The following PCDHA2 variants were observed in gnomAD, a reference collection of about 807,000 sequenced individuals.
PCDHA2 encodes protocadherin alpha-2.
Under a neutral mutation model 66.0 loss-of-function variants are expected in PCDHA2, and 58 were observed. That is an observed-to-expected ratio of 0.88 (90% confidence interval 0.71 to 1.09). PCDHA2 has a LOEUF of 1.09. PCDHA2 is among the 50% of genes least tolerant of loss of function. The probability of loss-of-function intolerance (pLI) is 0.00; values close to 1 mark genes in which losing one functional copy is unlikely to be tolerated. For synonymous variants in PCDHA2, 634 were observed against 554.0 expected (o/e 1.14, Z -2.03); for missense variants, 1,267 against 1,242.3 (o/e 1.02, Z -0.30).
intron 1 of PCDHA2, chr5:140,849,798 C>G (rs1356253349): frequency 1.3e-6 from 2 of 1,598,416 alleles, no homozygotes; most frequent in African/African-American, 1.3e-5. Context: ...CTCGCCTTCA[C>G]TGTGGGCCAC....
At chr5:140,947,734 C>T (rs2094167568) in intron 1 of PCDHA2, among the ~76,000 whole-genome samples, 1 of 151,286 alleles carries the variant, frequency 6.6e-6, no homozygotes, top group African/African-American at 2.4e-5. Flanking sequence ...TTTTGTAATA[C>T]CTATTCTTAT....
Position 140,927,111 on chromosome 5 carries a change from C to T in PCDHA2, c.2389-51838C>T. Reference sequence around the variant, plus strand: ...ACTTCGGGGTGGATCTACCCAGCGGCAATTTGGTGGTCAGAGAGCCGGCGG... The same window carrying T: ...ACTTCGGGGTGGATCTACCCAGCGGTAATTTGGTGGTCAGAGAGCCGGCGG... On this transcript the variant is annotated intron_variant, in intron 1 of 3. Transcript: ENST00000526136. The T allele has an allele frequency of 3.7e-6, 6 of 1,613,856 alleles. No individual in the cohort carries two copies. In the Middle Eastern group the frequency reaches 8.3e-4, roughly 222 times the overall value.
At chr5:140,917,335 G>GGGGGGGGGGT in intron 1 of PCDHA2, among the ~76,000 whole-genome samples, 2 of 146,518 alleles carry the variant, frequency 1.4e-5, no homozygotes, top group Non-Finnish European at 3.1e-5. Flanking sequence ...GGGGGAGGGG[G>GGGGGGGGGGT]GGGATGGTGT....
At chr5:140,967,849 T>C in intron 1 of PCDHA2, 1 of 1,614,116 alleles carries the variant, frequency 6.2e-7, no homozygotes, top group Non-Finnish European at 8.5e-7. Flanking sequence ...TGAATGACAA[T>C]GCCCCAGAGG....
At chr5:140,972,096 A>G (rs2096519185) in intron 1 of PCDHA2, among the ~76,000 whole-genome samples, 1 of 152,168 alleles carries the variant, frequency 6.6e-6, no homozygotes. Context: ...AATTTCTGGC[A>G]TAGAAGCAGG....
chr5:140,938,599 C>T (rs1554212246), intron 1 of PCDHA2, among the ~76,000 whole-genome samples: 1 of 152,048 alleles, frequency 6.6e-6, no homozygotes, highest in African/African-American at 2.4e-5. Flanking sequence ...ATAAACCAAT[C>T]TTGCATTCTT....
intron 1 of PCDHA2, chr5:140,830,277 A>G (rs1770951301): frequency 6.2e-7 from 1 of 1,613,766 alleles, no homozygotes; most frequent in Non-Finnish European, 8.5e-7. Flanking sequence ...CCACCCACCG[A>G]GGGCGCGTGC....
chr5:140,952,176 C>G (rs1300041660), intron 1 of PCDHA2, among the ~76,000 whole-genome samples: 1 of 152,058 alleles, frequency 6.6e-6, no homozygotes, highest in African/African-American at 2.4e-5. Flanking sequence ...GTTCCTGCAG[C>G]TGCTCTCATG....
chr5:140,989,139 C>G (rs1308771993), intron 3 of PCDHA2, among the ~76,000 whole-genome samples: 1 of 152,136 alleles, frequency 6.6e-6, no homozygotes, highest in African/African-American at 2.4e-5. Context: ...ACACTTTATC[C>G]CTTCTTTTGT....
intron 1 of PCDHA2, chr5:140,805,338 C>A (rs1554123338): frequency 2.4e-6 from 3 of 1,225,176 alleles, no homozygotes; most frequent in East Asian, 3.9e-5. Flanking sequence ...TGTCAATGAT[C>A]ATTTTGTAAA....
intron 1 of PCDHA2, chr5:140,808,954 C>T: frequency 6.2e-7 from 1 of 1,613,580 alleles, no homozygotes; most frequent in Non-Finnish European, 8.5e-7. Context: ...GTGTGGGCCA[C>T]GTGGTGGCAA....
intron 1 of PCDHA2, chr5:140,830,311 G>A (rs2150184835): frequency 2.0e-5 from 32 of 1,613,870 alleles, no homozygotes; most frequent in Non-Finnish European, 2.5e-5. Context: ...CCACGCTGGT[G>A]TGCTCCAGCG....
chr5:140,842,408 G>T, intron 1 of PCDHA2: 4 of 1,612,322 alleles, frequency 2.5e-6, no homozygotes, highest in Non-Finnish European at 3.4e-6. Flanking sequence ...ACGTGAAGAC[G>T]CTCAATTTGG....
chr5:140,795,819 G>A lies in PCDHA2; in HGVS notation c.855G>A (p.Val285=), dbSNP rs1470437988. 1.9e-6 allele frequency: 3 copies of A among 1,613,006 alleles called. No individual in the cohort carries two copies. In the African/African-American group the frequency reaches 4.0e-5, roughly 22 times the overall value. ...TTGTGTATTCACTCGGTAGTGATGT[G>A]TCCTCCACTATACAGACTAAGTTTA... The part of the protein sequence containing the change: ...SEIVYSLGSD[V]SSTIQTKFTI... The change falls in exon 1 of 4, where the codon GTG becomes GTA. Residue 285 remains valine, a synonymous_variant. Transcript: ENST00000526136.
At chr5:140,800,375 A>G (rs1554121124) in intron 1 of PCDHA2, among the ~76,000 whole-genome samples, 16 of 152,166 alleles carry the variant, frequency 1.1e-4, no homozygotes, top group Non-Finnish European at 2.4e-4. Context: ...AGGGAATTAC[A>G]GACATTCTAC....
chr5:140,813,460 T>A (rs1554126200), intron 1 of PCDHA2: 1 of 152,200 alleles, frequency 6.6e-6, no homozygotes, highest in Non-Finnish European at 1.5e-5. Flanking sequence ...CAATGGTAAG[T>A]ATTTGTATAC....
chr5:140,809,383 C>G (rs558389511), intron 1 of PCDHA2: 1 of 1,614,038 alleles, frequency 6.2e-7, no homozygotes, highest in South Asian at 1.1e-5. Context: ...AGGGCGCGTG[C>G]GCTCCGGGCA....
In PCDHA2 at chr5:140,797,082, G is replaced by A. The variant is rs376374088; in HGVS notation, c.2118G>A (p.Ala706=). 9.0e-5 allele frequency: 146 copies of A among 1,613,950 alleles called. No individual in the cohort carries two copies. Among genetic ancestry groups the A allele is most frequent in the Admixed American group, 1.3e-4 (8 of 60,034 alleles). Residue 706 remains alanine, a synonymous_variant, in exon 1 of 4, where the codon GCG becomes GCA. Coordinates refer to ENST00000526136, the MANE Select transcript of PCDHA2 (RefSeq NM_018905.3). Reference sequence around the variant, plus strand: ...TGTACCTGATCATCGCCATCTGCGCGGTATCCAGCCTGTTGGTGCTCACGG... The same window carrying A: ...TGTACCTGATCATCGCCATCTGCGCAGTATCCAGCCTGTTGGTGCTCACGG... ...VNVYLIIAIC[A]VSSLLVLTVL...
chr5:140,870,905 G>T (rs2052526417), intron 1 of PCDHA2: 1 of 1,613,958 alleles, frequency 6.2e-7, no homozygotes, highest in Non-Finnish European at 8.5e-7. Context: ...GCGGACTCAG[G>T]CTACAACGCG....
Sources: gnomAD v4.1 joint callset for allele counts (sites outside exome capture counted in the v4.1 genomes callset) on GRCh38, gnomAD v4.1.1 for gene constraint, MANE v1.5 for transcripts, NCBI Gene and HGNC (gene_info 2026-07-23, HGNC 2026-07-21) for gene names.